Variants in RPS6KA3 observed in about 807,000 individuals in gnomAD.
The protein encoded by RPS6KA3 is ribosomal protein S6 kinase A3.
A neutral mutation model predicts 67.2 loss-of-function variants in RPS6KA3; 4 were observed. That is an observed-to-expected ratio of 0.06 (90% CI 0.03 to 0.14). The LOEUF is 0.14. Among genes scored for constraint, RPS6KA3 ranks in the 10% least tolerant of loss-of-function variants. The pLI, the probability that RPS6KA3 is intolerant of heterozygous loss-of-function variation, is 1.00. For missense variants in RPS6KA3, 204 were observed against 559.0 expected (o/e 0.36, Z 6.40); for synonymous variants, 182 against 183.7 (o/e 0.99, Z 0.07).
intron 1 of RPS6KA3, chrX:20,265,408 C>A (rs2070349704): frequency 1.8e-5 from 2 of 112,299 alleles, no homozygotes; most frequent in Admixed American, 1.9e-4. Flanking sequence ...GCCGGCAGGG[C>A]AGCGGCTGCC....
chrX:20,178,481 G>GTTTTTTTT lies in RPS6KA3; in HGVS notation c.846-1405_846-1398dup, dbSNP rs59662504. 2.0e-3 allele frequency among the ~76,000 whole-genome samples: 169 copies of GTTTTTTTT among 84,383 alleles called. 1 individual carries two copies. Among genetic ancestry groups the GTTTTTTTT allele is most frequent in the African/African-American group, 7.2e-3 (160 of 22,150 alleles). 73.3% of individuals were successfully genotyped at this position (84,383 alleles called of 115,157 possible). On this transcript the variant is annotated intron_variant, in intron 10 of 21. Transcript: ENST00000379565. ...TGAGAAATCTAGAGCAAACAAATCAGTTTTTTTTTTTTTTTTTTTTAAGAC... is the reference window on the plus strand; with the variant it reads ...TGAGAAATCTAGAGCAAACAAATCAGTTTTTTTTTTTTTTTTTTTTTTTTTTTTAAGAC...
intron 2 of RPS6KA3, among the ~76,000 whole-genome samples, chrX:20,222,052 C>T (rs181502382): frequency 1.5e-4 from 17 of 112,659 alleles, no homozygotes; most frequent in East Asian, 1.1e-3. Context: ...CAATGGCTAC[C>T]GCCGAGTTGA....
intron 3 of RPS6KA3, among the ~76,000 whole-genome samples, chrX:20,207,266 TA>T (rs765976945): frequency 9.0e-6 from 1 of 111,257 alleles, no homozygotes; most frequent in African/African-American, 3.3e-5. Flanking sequence ...CAGAGTGGGA[TA>T]GGGGAGGTAG....
chrX:20,240,181 G>C (rs1176921457), intron 1 of RPS6KA3, among the ~76,000 whole-genome samples: 1 of 106,427 alleles, frequency 9.4e-6, no homozygotes, highest in Non-Finnish European at 1.9e-5. Context: ...TCTTCAGAGA[G>C]AGTAACAATC....
At chrX:20,208,008 A>G (rs1261058236) in intron 3 of RPS6KA3, among the ~76,000 whole-genome samples, 1 of 111,607 alleles carries the variant, frequency 9.0e-6, no homozygotes, top group East Asian at 2.8e-4. Flanking sequence ...CCAAGAAACA[A>G]TCTAGACCAG....
At chrX:20,232,353 T>G (rs2069290574) in intron 2 of RPS6KA3, among the ~76,000 whole-genome samples, 1 of 111,744 alleles carries the variant, frequency 8.9e-6, no homozygotes, top group Non-Finnish European at 1.9e-5. Flanking sequence ...GGCGAGCAGA[T>G]CACAAGATCA....
intron 21 of RPS6KA3, 91 bp from the exon 22 acceptor site, chrX:20,155,611 T>C: frequency 9.9e-7 from 1 of 1,006,087 alleles, no homozygotes; most frequent in Admixed American, 2.3e-5. Context: ...CATATGCAAA[T>C]GTACATAGAT....
chrX:20,174,676 T>A (rs771052991), intron 14 of RPS6KA3, among the ~76,000 whole-genome samples: 2 of 110,823 alleles, frequency 1.8e-5, no homozygotes, highest in Non-Finnish European at 3.8e-5. Context: ...CACATAGGTA[T>A]CTAGGATTTT....
intron 11 of RPS6KA3, 31 bp downstream of exon 11, chrX:20,176,965 A>G (rs746212537): frequency 3.1e-5 from 32 of 1,018,539 alleles, no homozygotes; most frequent in Non-Finnish European, 5.5e-6. Flanking sequence ...CAACAAACAT[A>G]CAACATAAAC....
intron 10 of RPS6KA3, among the ~76,000 whole-genome samples, chrX:20,179,804 T>A (rs1316768566): frequency 9.0e-6 from 1 of 111,185 alleles, no homozygotes; most frequent in Admixed American, 9.6e-5. Flanking sequence ...TAATAGAAAA[T>A]CATGGCTGGT....
rs192407993 is a variant in RPS6KA3 at position 20,181,226 on chromosome X, T to C, written c.846-4142A>G. 1.2e-4 allele frequency among the ~76,000 whole-genome samples: 13 copies of C among 112,274 alleles called. No individual in the cohort carries two copies. In the Admixed American group the frequency reaches 1.2e-3, roughly 11 times the overall value. On this transcript the variant is annotated intron_variant, in intron 10 of 21. Transcript: ENST00000379565. The stretch of plus-strand genomic sequence containing the variant: ...ATGTCGAATCTGGGTAACAGGTATA[T>C]GTGTTCACTGAATTATTCTATTTTT...
intron 20 of RPS6KA3, among the ~76,000 whole-genome samples, chrX:20,161,108 C>T (rs1285496759): frequency 8.9e-6 from 1 of 111,832 alleles, no homozygotes; most frequent in Non-Finnish European, 1.9e-5. Flanking sequence ...AACTATACAT[C>T]TGTTTATCGT....
intron 1 of RPS6KA3, among the ~76,000 whole-genome samples, chrX:20,257,177 G>A (rs1225211972): frequency 1.8e-5 from 2 of 111,646 alleles, no homozygotes; most frequent in African/African-American, 6.5e-5. Context: ...ACTTGTCAAG[G>A]GGGGCACTCA....
intron 20 of RPS6KA3, among the ~76,000 whole-genome samples, chrX:20,156,839 T>G (rs1038390493): frequency 1.6e-4 from 18 of 111,307 alleles, no homozygotes; most frequent in African/African-American, 5.6e-4. Context: ...CTTGGCCAGT[T>G]TATTTTTAAG....
intron 3 of RPS6KA3, 128 bp downstream of exon 3, chrX:20,209,160 T>TA (rs2068645574): frequency 2.0e-6 from 1 of 502,665 alleles, no homozygotes; most frequent in Admixed American, 2.8e-5. Context: ...GTGAGAAATG[T>TA]AAAAAAACAG....
At chrX:20,213,223 A>G (rs919579464) in intron 2 of RPS6KA3, among the ~76,000 whole-genome samples, 13 of 112,125 alleles carry the variant, frequency 1.2e-4, no homozygotes, top group African/African-American at 4.2e-4. Flanking sequence ...CATTGGTAAT[A>G]AACAGTGGCA....
At chrX:20,201,560 T>C (rs1347165070) in intron 4 of RPS6KA3, among the ~76,000 whole-genome samples, 2 of 111,982 alleles carry the variant, frequency 1.8e-5, no homozygotes, top group Non-Finnish European at 3.8e-5. Context: ...TAATGGTATT[T>C]CTTATCAATT....
At chrX:20,201,811 A>G (rs1197824997) in intron 4 of RPS6KA3, among the ~76,000 whole-genome samples, 1 of 109,549 alleles carries the variant, frequency 9.1e-6, no homozygotes, top group Non-Finnish European at 1.9e-5. Flanking sequence ...TATTTATACT[A>G]TTTTTCATTG....
At chrX:20,187,692 C>A (rs2068020790) in intron 9 of RPS6KA3, 136 bp downstream of exon 9, 1 of 594,099 alleles carries the variant, frequency 1.7e-6, no homozygotes, top group Non-Finnish European at 2.9e-6. Context: ...ATACTGCATG[C>A]AATAATGTTT....
Sources: gnomAD v4.1 joint callset for allele counts (sites outside exome capture counted in the v4.1 genomes callset) on GRCh38, gnomAD v4.1.1 for gene constraint, MANE v1.5 for transcripts, NCBI Gene and HGNC (gene_info 2026-07-23, HGNC 2026-07-21) for gene names.